SERTAD2: variants seen among roughly 807,000 people sequenced by gnomAD.
SERTAD2 encodes SERTA domain containing 2, also known as SERTA domain-containing protein 2.
SERTAD2 carries 2 observed loss-of-function variants against 15.4 expected under a neutral mutation model. That is an observed-to-expected ratio of 0.13 (90% CI 0.05 to 0.41). The LOEUF (loss-of-function observed/expected upper bound fraction) is 0.41. SERTAD2 is among the 10% of genes least tolerant of loss of function. SERTAD2 has a pLI of 0.99. For missense variants in SERTAD2, 333 were observed against 409.7 expected (o/e 0.81, Z 1.62); for synonymous variants, 180 against 178.0 (o/e 1.01, Z -0.09).
At chr2:64,651,259 CCTTT>C (rs1160671965) in intron 1 of SERTAD2, among the ~76,000 whole-genome samples, 1 of 152,128 alleles carries the variant, frequency 6.6e-6, no homozygotes, top group African/African-American at 2.4e-5. Flanking sequence ...CCAGCTTTCA[CCTTT>C]CTTAGTTACT....
chr2:64,649,036 G>T (rs544956296), intron 1 of SERTAD2, among the ~76,000 whole-genome samples: 1 of 152,250 alleles, frequency 6.6e-6, no homozygotes, highest in South Asian at 2.1e-4. Flanking sequence ...AAGAAGGAAA[G>T]AAATCTGAAA....
In SERTAD2 at chr2:64,636,687, G is replaced by C. The variant is rs147885233; in HGVS notation, c.185C>G (p.Thr62Ser). ...RPLTEPSLQKTVLINNMLRRI... is the reference protein window; with the variant it reads ...RPLTEPSLQKSVLINNMLRRI... Reference sequence around the variant, plus strand: ...CCTCAACATGTTGTTAATTAAAACGGTCTTTTGCAAGCTGGGCTCTGTCAG... The same window carrying C: ...CCTCAACATGTTGTTAATTAAAACGCTCTTTTGCAAGCTGGGCTCTGTCAG... The change falls in exon 2 of 2, where the codon ACC (threonine) becomes AGC (serine). Residue 62 changes from threonine to serine, a missense_variant. Physicochemically the swap from Thr to Ser is moderately conservative, Grantham distance 58 (BLOSUM62 1). Coordinates refer to ENST00000313349, the MANE Select transcript of SERTAD2 (RefSeq NM_014755.3). 17 of 1,614,130 alleles carry C rather than the reference G, an allele frequency of 1.1e-5. No individual in the cohort carries two copies. The African/African-American group carries it at 2.1e-4, about 20-fold the overall frequency.
intron 1 of SERTAD2, among the ~76,000 whole-genome samples, chr2:64,637,259 T>C (rs1400441561): frequency 1.3e-5 from 2 of 152,264 alleles, no homozygotes; most frequent in Non-Finnish European, 2.9e-5. Flanking sequence ...CGTAGATTTA[T>C]TTTTAAAGCC....
At chr2:64,643,395 T>G (rs1415049433) in intron 1 of SERTAD2, among the ~76,000 whole-genome samples, 1 of 152,214 alleles carries the variant, frequency 6.6e-6, no homozygotes, top group East Asian at 1.9e-4. Flanking sequence ...CTGGCCATGC[T>G]CTGCCGCTCA....
intron 1 of SERTAD2, among the ~76,000 whole-genome samples, chr2:64,641,748 G>T (rs1003934727): frequency 6.6e-6 from 1 of 152,160 alleles, no homozygotes; most frequent in African/African-American, 2.4e-5. Flanking sequence ...TTTTACAGGC[G>T]GGATCAGGGT....
chr2:64,652,134 A>AT (rs1675025407), intron 1 of SERTAD2, among the ~76,000 whole-genome samples: 1 of 152,206 alleles, frequency 6.6e-6, no homozygotes, highest in Non-Finnish European at 1.5e-5. Context: ...AAGAAAAAAA[A>AT]CCCTGAAAAA....
intron 1 of SERTAD2, among the ~76,000 whole-genome samples, chr2:64,653,069 A>C (rs1352212034): frequency 2.6e-5 from 4 of 152,178 alleles, no homozygotes; most frequent in Non-Finnish European, 4.4e-5. Flanking sequence ...TAGATCCCAA[A>C]TCAATTCATT....
chr2:64,648,039 T>TAA (rs1674941626), intron 1 of SERTAD2, among the ~76,000 whole-genome samples: 1 of 152,236 alleles, frequency 6.6e-6, no homozygotes, highest in Admixed American at 6.5e-5. Context: ...CTGAGAAATG[T>TAA]TGTTTCTTTT....
At chr2:64,642,981 G>A in intron 1 of SERTAD2, among the ~76,000 whole-genome samples, 1 of 152,094 alleles carries the variant, frequency 6.6e-6, no homozygotes, top group Non-Finnish European at 1.5e-5. Flanking sequence ...TTTAAAAGGG[G>A]GTCAAATTCA....
Position 64,634,490 on chromosome 2 carries a change from TG to T in SERTAD2, c.*1436del, listed in dbSNP as rs1674609950. On this transcript the variant is annotated 3_prime_UTR_variant, in exon 2 of 2. Coordinates refer to ENST00000313349, the MANE Select transcript of SERTAD2 (RefSeq NM_014755.3). ...TAGCTGACTCAGGAAAGCAACCAGA[TG>T]GGAAGCTGTGACGTAATGTGATGAA... The T allele has an allele frequency of 6.6e-6, 1 of 152,090 alleles. No individual in the cohort carries two copies. Among genetic ancestry groups the T allele is most frequent in the African/African-American group, 2.4e-5 (1 of 41,406 alleles). 9.4% of individuals were successfully genotyped at this position (152,090 alleles called of 1,614,324 possible).
At chr2:64,650,211 T>C (rs2104353549) in intron 1 of SERTAD2, among the ~76,000 whole-genome samples, 1 of 152,352 alleles carries the variant, frequency 6.6e-6, no homozygotes, top group South Asian at 2.1e-4. Context: ...CTATATGTGG[T>C]GCTTGTTCAA....
chr2:64,642,821 A>G (rs1367619010), intron 1 of SERTAD2, among the ~76,000 whole-genome samples: 1 of 152,222 alleles, frequency 6.6e-6, no homozygotes, highest in Admixed American at 6.5e-5. Flanking sequence ...CCAGTCAAAA[A>G]AAGATGCAAA....
chr2:64,638,990 A>G (rs780317173), intron 1 of SERTAD2, among the ~76,000 whole-genome samples: 12 of 152,186 alleles, frequency 7.9e-5, no homozygotes, highest in Non-Finnish European at 1.5e-4. Flanking sequence ...GTTTTGAAAC[A>G]TAACTGTATT....
chr2:64,653,421 G>C (rs1049018430), intron 1 of SERTAD2, among the ~76,000 whole-genome samples, 199 bp downstream of exon 1: 5 of 151,136 alleles, frequency 3.3e-5, no homozygotes, highest in Non-Finnish European at 5.9e-5. Context: ...CCGAGAGCGC[G>C]GGGCCCGGAC....
At position 64,645,282 on chromosome 2, in the gene SERTAD2, C is replaced by T. The variant is rs140817640; in HGVS notation, c.-5+8338G>A. 3.9e-3 allele frequency among the ~76,000 whole-genome samples: 600 copies of T among 152,300 alleles called. 2 individuals are homozygous for T. The highest frequency in any genetic ancestry group is 7.4e-3 in the Admixed American group (113 of 15,304). On this transcript the variant is annotated intron_variant, in intron 1 of 1. Coordinates refer to ENST00000313349, the MANE Select transcript of SERTAD2 (RefSeq NM_014755.3). ...CCGCTGCGCACCGGCCGCGCGGGGG[C>T]CCGCAGGGCAACGCAGCCTAGGCTG...
rs1346596525 is a variant in SERTAD2, at chr2:64,634,265, G to C, written c.*1662C>G. On this transcript the variant is annotated 3_prime_UTR_variant, in exon 2 of 2. Transcript: ENST00000313349. ...GAAAAGAAAAAACTGAAACAAGAAG[G>C]CCATAAACAGTTTCGGCAACAAGCA... 1 of 151,688 alleles carries C rather than the reference G, an allele frequency of 6.6e-6. No homozygotes were observed. Among genetic ancestry groups the C allele is most frequent in the Admixed American group, 6.6e-5 (1 of 15,186 alleles). The allele number at this position is 151,688 out of a possible 1,614,324, so 9.4% of individuals were successfully genotyped here.
intron 1 of SERTAD2, among the ~76,000 whole-genome samples, chr2:64,639,385 T>C (rs751001201): frequency 8.5e-5 from 13 of 152,268 alleles, no homozygotes; most frequent in Admixed American, 6.5e-5. Context: ...TTTCATTTTA[T>C]GATAATTATT....
In SERTAD2 at chr2:64,635,225, TACA is replaced by T. The variant is rs919610327; in HGVS notation, c.*699_*701del. ...CTTGCACCATACACATATAAAACAT[TACA>T]ACTCTATAAAAGTACAAGTGCAACT... On this transcript the variant is annotated 3_prime_UTR_variant, in exon 2 of 2. Coordinates refer to ENST00000313349, the MANE Select transcript of SERTAD2 (RefSeq NM_014755.3). 3 of 152,664 alleles carry T rather than the reference TACA, an allele frequency of 2.0e-5. No homozygotes were observed. Among genetic ancestry groups the T allele is most frequent in the Admixed American group, 2.0e-4 (3 of 15,280 alleles). 9.5% of individuals were successfully genotyped at this position (152,664 alleles called of 1,614,324 possible).
At position 64,633,927 on chromosome 2, in the gene SERTAD2, GTTCC is replaced by G. The variant is rs1359633594; in HGVS notation, c.*1996_*1999del. 1.3e-5 allele frequency: 2 copies of G among 152,610 alleles called. No homozygotes were observed. The highest frequency in any genetic ancestry group is 2.4e-5 in the African/African-American group (1 of 41,430). The allele number at this position is 152,610 out of a possible 1,614,324, so 9.5% of individuals were successfully genotyped here. A position where few individuals can be genotyped will look rare whatever the true frequency, so the allele number is the denominator to read the frequency against. On this transcript the variant is annotated 3_prime_UTR_variant, in exon 2 of 2. Transcript: ENST00000313349. ...CTCAAATCTTTTGCTTAGATGAGCA[GTTCC>G]TTCATCACAAACGTCTTTGCTTTGC... is the stretch of plus-strand genomic sequence containing the variant.
Sources: gnomAD v4.1 joint callset for allele counts (sites outside exome capture counted in the v4.1 genomes callset) on GRCh38, gnomAD v4.1.1 for gene constraint, MANE v1.5 for transcripts, NCBI Gene and HGNC (gene_info 2026-07-23, HGNC 2026-07-21) for gene names.